The following MUC5AC variants were observed in gnomAD, a reference collection of about 807,000 sequenced individuals.
MUC5AC encodes the protein mucin-5AC.
MUC5AC carries 158 observed loss-of-function variants against 169.7 expected under a neutral mutation model. That is an observed-to-expected ratio of 0.93 (90% CI 0.82 to 1.06). MUC5AC has a LOEUF of 1.06. Ranked by LOEUF, MUC5AC falls within the 50% of genes least tolerant of loss-of-function variation. The pLI is 0.00. For synonymous variants in MUC5AC, 1,975 were observed against 1,237.0 expected, an observed-to-expected ratio of 1.60 and a Z score of -12.52; for missense variants, 4,359 against 3,089.9, an observed-to-expected ratio of 1.41 and a Z score of -9.74.
intron 30 of MUC5AC, among the ~76,000 whole-genome samples, 157 bp from the exon 31 acceptor site, chr11:1,181,998 T>C (rs1300354954): frequency 6.6e-6 from 1 of 152,190 alleles, no homozygotes; most frequent in Non-Finnish European, 1.5e-5. Context: ...CTTCAGAACC[T>C]GTGCCGCTCA....
chr11:1,194,567 C>T lies in MUC5AC; in HGVS notation c.15087C>T (p.Tyr5029=), dbSNP rs747224003. The part of the protein sequence containing the change: ...IVVSRIGVKM[Y]ATIPELGVQV... ...TCTCGCGCATCGGCGTCAAGATGTACGCGACCATCCCGGAGCTGGGAGTCC... is the reference window on the plus strand; with the variant it reads ...TCTCGCGCATCGGCGTCAAGATGTATGCGACCATCCCGGAGCTGGGAGTCC... Residue 5029 remains tyrosine (Y), a synonymous_variant, in exon 35 of 49, where the codon TAC becomes TAT. Transcript: ENST00000621226. 3.0e-5 allele frequency: 23 copies of T among 764,190 alleles called. No individual in the cohort carries two copies. Among genetic ancestry groups the T allele is most frequent in the Admixed American group, 8.5e-5 (5 of 58,902 alleles). 47.3% of individuals were successfully genotyped at this position (764,190 alleles called of 1,614,324 possible). A position where few individuals can be genotyped will look rare whatever the true frequency, so the allele number is the denominator to read the frequency against.
chr11:1,160,820 G>GTCCTCCTGTCCCC, intron 2 of MUC5AC, 131 bp downstream of exon 2: 3 of 853,528 alleles, frequency 3.5e-6, no homozygotes, highest in South Asian at 1.7e-5. Context: ...AACCTGGGGG[G>GTCCTCCTGTCCCC]ACAGGAGGAC....
At chr11:1,158,322 G>C (rs1290360392) in intron 1 of MUC5AC, among the ~76,000 whole-genome samples, 2 of 152,214 alleles carry the variant, frequency 1.3e-5, no homozygotes, top group African/African-American at 4.8e-5. Context: ...TAGGAGCTCA[G>C]ATCTCGGGCT....
At position 1,195,937 on chromosome 11, in the gene MUC5AC, G is replaced by C. The variant is rs1269209007; in HGVS notation, c.15520G>C (p.Asp5174His). 2.6e-6 allele frequency: 2 copies of C among 755,820 alleles called. No homozygotes were observed. Among genetic ancestry groups the C allele is most frequent in the Non-Finnish European group, 4.8e-6 (2 of 412,498 alleles). The allele number at this position is 755,820 out of a possible 1,614,324, so 46.8% of individuals were successfully genotyped here. The part of the protein sequence containing the change: ...PLLFYEGCVF[D>H]RCHMTDLDVV... ...GCTGTTCTATGAGGGCTGCGTCTTTGACCGGTGCCACATGACGGACCTGGA... is the reference window on the plus strand; with the variant it reads ...GCTGTTCTATGAGGGCTGCGTCTTTCACCGGTGCCACATGACGGACCTGGA... The change falls in exon 37 of 49, where the codon GAC becomes CAC. Residue 5174 changes from aspartate (D) to histidine (H), a missense_variant. By Grantham distance (81) the Asp-to-His change is moderately conservative. Transcript: ENST00000621226.
At chr11:1,177,396 T>G (rs1590141786) in intron 23 of MUC5AC, 52 bp downstream of exon 23, 1 of 408,562 alleles carries the variant, frequency 2.4e-6, no homozygotes, top group Non-Finnish European at 4.3e-6. Context: ...CATGGCAGCG[T>G]CTGGTCAGGT....
chr11:1,193,054 G>A (rs1861164811), intron 32 of MUC5AC, 72 bp downstream of exon 32: 1 of 614,328 alleles, frequency 1.6e-6, no homozygotes, highest in Non-Finnish European at 3.0e-6. Context: ...TTTGCAATTA[G>A]TCTTCAGCTG....
In MUC5AC at chr11:1,196,063, C is replaced by T; in HGVS notation, c.15637+9C>T. On this transcript the variant is annotated intron_variant, in intron 37 of 48. Coordinates refer to ENST00000621226, the MANE Select transcript of MUC5AC (RefSeq NM_001304359.2). ...GACCGGCCACATGTGCCGTGAGTGC[C>T]ACCACTGTCCTCAGGGTCCCAAGTC... The T allele has an allele frequency of 1.3e-6, 1 of 762,012 alleles. No homozygotes were observed. The highest frequency in any genetic ancestry group is 2.4e-6 in the Non-Finnish European group (1 of 415,996). The allele number at this position is 762,012 out of a possible 1,614,324, so 47.2% of individuals were successfully genotyped here. A position where few individuals can be genotyped will look rare whatever the true frequency, so the allele number is the denominator to read the frequency against.
intron 26 of MUC5AC, among the ~76,000 whole-genome samples, chr11:1,179,800 G>C (rs1452860885): frequency 1.3e-5 from 2 of 152,156 alleles, no homozygotes; most frequent in Non-Finnish European, 2.9e-5. Context: ...TGCCGGGAAC[G>C]GGCACTGCTG....
intron 35 of MUC5AC, 145 bp from the exon 36 acceptor site, chr11:1,194,866 GT>G: frequency 1.6e-6 from 1 of 616,704 alleles, no homozygotes; most frequent in Non-Finnish European, 2.9e-6. Context: ...TCCCAGGGTT[GT>G]TCTCGGGGGA....
At chr11:1,180,537 A>G in intron 28 of MUC5AC, 21 bp downstream of exon 28, 1 of 398,482 alleles carries the variant, frequency 2.5e-6, no homozygotes, top group Non-Finnish European at 4.4e-6. Flanking sequence ...TGGGGGGAGG[A>G]ATATGGAGCC....
At chr11:1,199,532 C>G (rs1861369524) in intron 46 of MUC5AC, 42 bp downstream of exon 46, 2 of 701,626 alleles carry the variant, frequency 2.9e-6, no homozygotes, top group Admixed American at 4.0e-5. Context: ...GGGGCTTCAC[C>G]CCTAGATGGG....
Position 1,189,387 on chromosome 11 carries a change from C to T in MUC5AC, c.11242C>T (p.Pro3748Ser), listed in dbSNP as rs1861028038. Reference protein sequence around the residue: ...SAPTTSTISAPTTSTTSAPTA... With the variant: ...SAPTTSTISASTTSTTSAPTA... ...CCCTACAACCAGCACAATCTCTGCC[C>T]CTACAACCAGCACAACCTCTGCTCC... Residue 3748 changes from proline (P) to serine (S), a missense_variant, in exon 31 of 49, where the codon CCT (proline) becomes TCT (serine). Coordinates refer to ENST00000621226, the MANE Select transcript of MUC5AC (RefSeq NM_001304359.2). 3 of 574,714 alleles carry T rather than the reference C, an allele frequency of 5.2e-6. No homozygotes were observed. Among genetic ancestry groups the T allele is most frequent in the Non-Finnish European group, 9.2e-6 (3 of 324,940 alleles). 35.6% of individuals were successfully genotyped at this position (574,714 alleles called of 1,614,324 possible). A position where few individuals can be genotyped will look rare whatever the true frequency, so the allele number is the denominator to read the frequency against.
intron 15 of MUC5AC, among the ~76,000 whole-genome samples, chr11:1,170,971 CCATT>C (rs1860499570): frequency 2.3e-4 from 1 of 4,262 alleles, no homozygotes; most frequent in African/African-American, 8.0e-4. Flanking sequence ...ACCCACTCAC[CCATT>C]CACCCCACTC....
rs539388830 is a variant in MUC5AC at position 1,196,702 on chromosome 11, G to A, written c.15811G>A (p.Val5271Met). The A allele has an allele frequency of 1.0e-4, 76 of 758,724 alleles. No individual in the cohort carries two copies. The highest frequency in any genetic ancestry group is 9.5e-4 in the African/African-American group (56 of 59,052). 47.0% of individuals were successfully genotyped at this position (758,724 alleles called of 1,614,324 possible). A position where few individuals can be genotyped will look rare whatever the true frequency, so the allele number is the denominator to read the frequency against. ...CTTCAGCACCAGTGCCCAAGTCTGC[G>A]TGCCCACGGGCTGCCCCAGTACGTG... The part of the protein sequence containing the change: ...TLFSTSAQVC[V>M]PTGCPRCLGP... The change falls in exon 39 of 49, where the codon GTG becomes ATG. Residue 5271 changes from valine to methionine, a missense_variant. Coordinates refer to ENST00000621226, the MANE Select transcript of MUC5AC (RefSeq NM_001304359.2).
rs1325218743 is a variant in MUC5AC at position 1,199,336 on chromosome 11, A to C, written c.16396-35A>C. 5 of 702,930 alleles carry C rather than the reference A, an allele frequency of 7.1e-6. No homozygotes were observed. The Admixed American group carries it at 1.0e-4, about 14-fold the overall frequency. 43.5% of individuals were successfully genotyped at this position (702,930 alleles called of 1,614,324 possible). A position where few individuals can be genotyped will look rare whatever the true frequency, so the allele number is the denominator to read the frequency against. On this transcript the variant is annotated intron_variant, in intron 45 of 48. Transcript: ENST00000621226. Reference sequence around the variant, plus strand: ...TGCAGACAGAGGGACAGACGGAGGGAGGGTCACTCACCCCGGGGCCTGGCC... The same window carrying C: ...TGCAGACAGAGGGACAGACGGAGGGCGGGTCACTCACCCCGGGGCCTGGCC...
intron 11 of MUC5AC, among the ~76,000 whole-genome samples, chr11:1,167,328 G>A (rs1316281744): frequency 1.3e-5 from 2 of 150,640 alleles, no homozygotes; most frequent in East Asian, 2.0e-4. Context: ...AGTCTCCCCC[G>A]ATGAGACCCT....
intron 30 of MUC5AC, among the ~76,000 whole-genome samples, chr11:1,181,903 C>A (rs1173066775): frequency 5.3e-5 from 8 of 152,228 alleles, no homozygotes; most frequent in African/African-American, 1.9e-4. Flanking sequence ...CTGGAACTCA[C>A]GTGTTCTGGG....
chr11:1,184,985 T>A lies in MUC5AC; in HGVS notation c.6840T>A (p.Pro2280=). 2.4e-6 allele frequency: 1 copy of A among 418,704 alleles called. No homozygotes were observed. Among genetic ancestry groups the A allele is most frequent in the Non-Finnish European group, 4.1e-6 (1 of 241,280 alleles). The allele number at this position is 418,704 out of a possible 1,614,324, so 25.9% of individuals were successfully genotyped here. The part of the protein sequence containing the change: ...YAHTTSTTSA[P]TARTTSAPTT... ...ATACAACCAGCACAACCTCTGCTCCTACAGCCAGAACAACCTCTGCTCCTA... is the reference window on the plus strand; with the variant it reads ...ATACAACCAGCACAACCTCTGCTCCAACAGCCAGAACAACCTCTGCTCCTA... Residue 2280 remains proline (P), a synonymous_variant, in exon 31 of 49, where the codon CCT becomes CCA. Coordinates refer to ENST00000621226, the MANE Select transcript of MUC5AC (RefSeq NM_001304359.2).
rs1861080338 is a variant in MUC5AC at position 1,191,029 on chromosome 11, C to T, written c.12884C>T (p.Thr4295Ile). The T allele has an allele frequency of 1.3e-6, 1 of 757,508 alleles. No individual in the cohort carries two copies. Among genetic ancestry groups the T allele is most frequent in the African/African-American group, 1.7e-5 (1 of 57,190 alleles). 46.9% of individuals were successfully genotyped at this position (757,508 alleles called of 1,614,324 possible). ...PTSSMTSGPG[T>I]TPSPVPTTST... ...AGCAGCATGACCTCTGGTCCTGGAA[C>T]TACTCCCAGCCCTGTTCCCACCACC... The change falls in exon 31 of 49, where the codon ACT becomes ATT. Residue 4295 changes from threonine to isoleucine, a missense_variant. Thr to Ile is a moderately conservative substitution (Grantham distance 89). Transcript: ENST00000621226.
Sources: gnomAD v4.1 joint callset for allele counts (sites outside exome capture counted in the v4.1 genomes callset) on GRCh38, gnomAD v4.1.1 for gene constraint, MANE v1.5 for transcripts, NCBI Gene and HGNC (gene_info 2026-07-23, HGNC 2026-07-21) for gene names.